Variants in ZFHX3 observed in about 807,000 individuals in gnomAD.
ZFHX3 encodes zinc finger homeobox 3, also known as zinc finger homeobox protein 3.
Under a neutral mutation model 279.1 loss-of-function variants are expected in ZFHX3, and 42 were observed. The ratio of observed to expected loss-of-function variants is 0.15; its 90% CI spans 0.12 to 0.19. The LOEUF (loss-of-function observed/expected upper bound fraction) is 0.19, where lower values mean the gene tolerates loss of function less well. Ranked by LOEUF, ZFHX3 falls within the 10% of genes least tolerant of loss-of-function variation. ZFHX3 has a pLI of 1.00. For missense variants in ZFHX3, 4,981 were observed against 4,754.0 expected, an observed-to-expected ratio of 1.05 and a Z score of -1.40; for synonymous variants, 2,293 against 1,957.8, an observed-to-expected ratio of 1.17 and a Z score of -4.52.
intron 2 of ZFHX3, among the ~76,000 whole-genome samples, chr16:73,566,688 CTTTTT>C (rs35009584): frequency 5.8e-5 from 7 of 120,020 alleles, no homozygotes; most frequent in Non-Finnish European, 5.0e-5. Flanking sequence ...ACCAAGCTAA[CTTTTT>C]TTTTTTTTTT....
intron 2 of ZFHX3, among the ~76,000 whole-genome samples, chr16:73,561,307 GA>G (rs913543399): frequency 5.9e-5 from 9 of 152,146 alleles, no homozygotes; most frequent in Non-Finnish European, 7.3e-5. Context: ...CATTCTGCAT[GA>G]AATATCTGCA....
chr16:73,762,662 T>C (rs907290975), intron 1 of ZFHX3, among the ~76,000 whole-genome samples: 9 of 152,160 alleles, frequency 5.9e-5, no homozygotes, highest in African/African-American at 2.2e-4. Flanking sequence ...AGGAATGAGA[T>C]CATGTCCTTT....
At chr16:73,741,633 AC>A (rs1313167460) in intron 1 of ZFHX3, among the ~76,000 whole-genome samples, 1 of 152,108 alleles carries the variant, frequency 6.6e-6, no homozygotes, top group Non-Finnish European at 1.5e-5. Flanking sequence ...CAGAAGCTTG[AC>A]CACTGAGCCT....
chr16:72,988,032 C>T (rs1962919499), intron 1 of ZFHX3, among the ~76,000 whole-genome samples: 1 of 152,196 alleles, frequency 6.6e-6, no homozygotes, highest in African/African-American at 2.4e-5. Context: ...TTTAACCTCA[C>T]TTGCACATAT....
chr16:72,982,659 G>A (rs527288010), intron 1 of ZFHX3, among the ~76,000 whole-genome samples: 10 of 152,264 alleles, frequency 6.6e-5, no homozygotes, highest in East Asian at 5.8e-4. Flanking sequence ...ACATTAAGTC[G>A]TAAATTTTTA....
chr16:73,058,119 T>C (rs1176317990), intron 1 of ZFHX3, among the ~76,000 whole-genome samples: 1 of 138,582 alleles, frequency 7.2e-6, no homozygotes, highest in Non-Finnish European at 1.6e-5. Flanking sequence ...CGGCCGGCCC[T>C]GCCTGGCGGC....
chr16:72,876,767 A>G (rs1450591187), intron 4 of ZFHX3, among the ~76,000 whole-genome samples: 1 of 152,186 alleles, frequency 6.6e-6, no homozygotes, highest in African/African-American at 2.4e-5. Context: ...AAACAAACAG[A>G]AAAAGCCGCC....
At chr16:73,195,255 T>G (rs529484769) in intron 5 of ZFHX3, among the ~76,000 whole-genome samples, 10 of 152,256 alleles carry the variant, frequency 6.6e-5, no homozygotes, top group Middle Eastern at 6.8e-3. Context: ...GGACCCTTTG[T>G]TTTTTCTATT....
intron 5 of ZFHX3, among the ~76,000 whole-genome samples, chr16:73,202,654 G>A (rs916111228): frequency 2.0e-5 from 3 of 152,178 alleles, no homozygotes; most frequent in Non-Finnish European, 4.4e-5. Flanking sequence ...TAGCTTTCCA[G>A]GCTCACCTCT....
chr16:72,966,572 G>A (rs550686437), intron 1 of ZFHX3, among the ~76,000 whole-genome samples: 8 of 152,296 alleles, frequency 5.3e-5, no homozygotes, highest in Middle Eastern at 3.4e-3. Context: ...CTCTGTCTGC[G>A]TGAATAATGT....
At chr16:73,262,946 C>T (rs1380669763) in intron 4 of ZFHX3, among the ~76,000 whole-genome samples, 1 of 152,090 alleles carries the variant, frequency 6.6e-6, no homozygotes, top group Non-Finnish European at 1.5e-5. Context: ...AGTGAGGGGC[C>T]CCAGAGCTCC....
intron 1 of ZFHX3, among the ~76,000 whole-genome samples, chr16:73,692,621 T>C (rs991078651): frequency 1.3e-5 from 2 of 152,228 alleles, no homozygotes; most frequent in Non-Finnish European, 2.9e-5. Flanking sequence ...ATTTCTCAAC[T>C]GAATTATGGT....
intron 5 of ZFHX3, among the ~76,000 whole-genome samples, chr16:73,203,552 A>G (rs1333916208): frequency 6.6e-6 from 1 of 152,184 alleles, no homozygotes; most frequent in Non-Finnish European, 1.5e-5. Flanking sequence ...ATAAACATTT[A>G]TGGAAAATTA....
chr16:72,868,460 G>A (rs953177996), intron 4 of ZFHX3, among the ~76,000 whole-genome samples: 1 of 152,180 alleles, frequency 6.6e-6, no homozygotes, highest in Admixed American at 6.5e-5. Flanking sequence ...CCTTACATAA[G>A]CTTTCCCTCA....
In ZFHX3 at chr16:72,797,059, C is replaced by T. The variant is rs1393698686; in HGVS notation, c.5623G>A (p.Glu1875Lys). 3.1e-6 allele frequency: 5 copies of T among 1,613,880 alleles called. No individual in the cohort carries two copies. The highest frequency in any genetic ancestry group is 1.6e-4 in the Middle Eastern group (1 of 6,062). ...SALLQPSQHP[E>K]KKNKLVIKEK... ...TTGATGACCAATTTGTTCTTCTTTT[C>T]GGGGTGCTGGCTTGGCTGAAGGAGG... Residue 1875 changes from glutamate to lysine, a missense_variant, in exon 9 of 10, where the codon GAA becomes AAA. Coordinates refer to ENST00000268489, the MANE Select transcript of ZFHX3 (RefSeq NM_006885.4).
chr16:73,335,351 G>C (rs1052158740), intron 3 of ZFHX3, among the ~76,000 whole-genome samples: 8 of 152,112 alleles, frequency 5.3e-5, no homozygotes, highest in Admixed American at 3.3e-4. Flanking sequence ...GAACCTAAAA[G>C]ATAAAAAGTG....
chr16:73,489,861 T>C (rs2019030617), intron 2 of ZFHX3, among the ~76,000 whole-genome samples: 1 of 152,184 alleles, frequency 6.6e-6, no homozygotes, highest in African/African-American at 2.4e-5. Flanking sequence ...TAGCACTCTT[T>C]CAAGAGTGGA....
chr16:73,622,947 G>T (rs1471129918), intron 2 of ZFHX3, among the ~76,000 whole-genome samples: 2 of 152,196 alleles, frequency 1.3e-5, no homozygotes, highest in African/African-American at 4.8e-5. Context: ...GTACCTGGGG[G>T]TGATCTACGT....
At chr16:72,917,291 C>T (rs1315348123) in intron 3 of ZFHX3, among the ~76,000 whole-genome samples, 1 of 152,030 alleles carries the variant, frequency 6.6e-6, no homozygotes, top group East Asian at 1.9e-4. Flanking sequence ...GAGAAGTTTT[C>T]GCCATGTAAA....
Sources: gnomAD v4.1 joint callset for allele counts (sites outside exome capture counted in the v4.1 genomes callset) on GRCh38, gnomAD v4.1.1 for gene constraint, MANE v1.5 for transcripts, NCBI Gene and HGNC (gene_info 2026-07-23, HGNC 2026-07-21) for gene names.